Variants in ADAM8 observed in about 807,000 individuals in gnomAD.
The protein encoded by ADAM8 is ADAM metallopeptidase domain 8.
ADAM8 carries 104 observed loss-of-function variants against 102.4 expected under a neutral mutation model. That is an observed-to-expected ratio of 1.02 (90% confidence interval 0.87 to 1.20). ADAM8 has a LOEUF of 1.20. Ranked by LOEUF, ADAM8 falls within the 50% of genes most tolerant of loss-of-function variation. The pLI, the probability that ADAM8 is intolerant of heterozygous loss-of-function variation, is 0.00. For missense variants in ADAM8, 1,132 were observed against 1,159.0 expected, an observed-to-expected ratio of 0.98 and a Z score of 0.34; for synonymous variants, 517 against 485.2, an observed-to-expected ratio of 1.07 and a Z score of -0.86.
intron 9 of ADAM8, 54 bp downstream of exon 9, chr10:133,272,362 C>CCCCGGG: frequency 8.4e-7 from 1 of 1,184,564 alleles, no homozygotes; most frequent in Non-Finnish European, 1.2e-6. Flanking sequence ...TCCACCCCAC[C>CCCCGGG]CTGCCCGCCC....
At chr10:133,274,780 C>T (rs1323480695) in intron 2 of ADAM8, 1 of 383,936 alleles carries the variant, frequency 2.6e-6, no homozygotes, top group Admixed American at 2.9e-5. Context: ...CCCATCCCTT[C>T]CAGCAGCTGC....
Position 133,270,382 on chromosome 10 carries a change from C to T in ADAM8, c.1763G>A (p.Gly588Asp), listed in dbSNP as rs1447704104. The T allele has an allele frequency of 6.3e-7, 1 of 1,589,176 alleles. No individual in the cohort carries two copies. The highest frequency in any genetic ancestry group is 8.6e-7 in the Non-Finnish European group (1 of 1,160,984). ...DGTAYEPVPE[G>D]TRCGPEKVCW... ...CACCTTCTCTGGTCCACACCGGGTG[C>T]CCTCGGGCACTGGTTCATACGCAGT... Residue 588 changes from glycine (G) to aspartate (D), a missense_variant, in exon 16 of 23, where the codon GGC (glycine) becomes GAC (aspartate). Transcript: ENST00000445355.
At chr10:133,266,186 G>C (rs930917872) in intron 21 of ADAM8, among the ~76,000 whole-genome samples, 1 of 152,064 alleles carries the variant, frequency 6.6e-6, no homozygotes, top group East Asian at 1.9e-4. Context: ...CAAAGGGCAA[G>C]CTGAGGAAAG....
rs1846473489 is a variant in ADAM8, at chr10:133,270,223, T to G, written c.1785+137A>C. ...CTCCCCACCCCCGGAAACCTTTCAG[T>G]CTCTACTAGAAGCGCGGAGAGAACT... is the stretch of plus-strand genomic sequence containing the variant. On this transcript the variant is annotated intron_variant, in intron 16 of 22. Transcript: ENST00000445355. 3.2e-6 allele frequency: 4 copies of G among 1,247,242 alleles called. No homozygotes were observed. The South Asian group carries it at 6.0e-5, about 19-fold the overall frequency. The allele number at this position is 1,247,242 out of a possible 1,614,324, so 77.3% of individuals were successfully genotyped here. A position where few individuals can be genotyped will look rare whatever the true frequency, so the allele number is the denominator to read the frequency against.
At position 133,273,413 on chromosome 10, in the gene ADAM8, G is replaced by A. The variant is rs550609453; in HGVS notation, c.414C>T (p.His138=). 5.2e-5 allele frequency: 80 copies of A among 1,547,438 alleles called. 2 individuals carry two copies. In the East Asian group the frequency reaches 1.8e-3, roughly 35 times the overall value. Residue 138 remains histidine (H), a synonymous_variant, in exon 6 of 23, where the codon CAC becomes CAT. Transcript: ENST00000445355. Reference sequence around the variant, plus strand: ...CACCTTCATCCAGGGGCTCGATCAGGTGCAGGTCTGACCCCACCTGGAAGA... The same window carrying A: ...CACCTTCATCCAGGGGCTCGATCAGATGCAGGTCTGACCCCACCTGGAAGA... The part of the protein sequence containing the change: ...RGFFQVGSDL[H]LIEPLDEGGE...
In ADAM8 at chr10:133,270,793, G is replaced by A. The variant is rs1487183185; in HGVS notation, c.1577C>T (p.Ala526Val). ...GTCATAGGAGAAGCAGGACTCCTCG[G>A]CAGCCTGCCCACCTGTGGGACCAGA... ...QAFWGPGGQA[A>V]EESCFSYDIL... Residue 526 changes from alanine (A) to valine (V), a missense_variant, in exon 15 of 23, where the codon GCC becomes GTC. By Grantham distance (64) the Ala-to-Val change is moderately conservative. Coordinates refer to ENST00000445355, the MANE Select transcript of ADAM8 (RefSeq NM_001109.5). 3 of 1,606,388 alleles carry A rather than the reference G, an allele frequency of 1.9e-6. No homozygotes were observed. Among genetic ancestry groups the A allele is most frequent in the African/African-American group, 1.3e-5 (1 of 74,630 alleles).
chr10:133,266,860 C>T (rs1345946782), intron 21 of ADAM8, among the ~76,000 whole-genome samples: 1 of 152,132 alleles, frequency 6.6e-6, no homozygotes, highest in Non-Finnish European at 1.5e-5. Context: ...GGCGCAGGGA[C>T]AGGACCCCAA....
intron 5 of ADAM8, 92 bp from the exon 6 acceptor site, chr10:133,273,535 T>TC: frequency 2.1e-6 from 3 of 1,402,492 alleles, no homozygotes; most frequent in Non-Finnish European, 2.9e-6. Context: ...TGCCTACAGC[T>TC]CCCCCTACCC....
intron 21 of ADAM8, among the ~76,000 whole-genome samples, chr10:133,266,688 C>T (rs1191792065): frequency 4.6e-5 from 7 of 152,210 alleles, no homozygotes; most frequent in South Asian, 2.1e-4. Context: ...AGAGAGAAAG[C>T]CTGGCCCTTT....
Position 133,272,881 on chromosome 10 carries a change from C to A in ADAM8, c.637-15G>T, listed in dbSNP as rs1443123149. On this transcript the variant is annotated splice_polypyrimidine_tract_variant and intron_variant, in intron 7 of 22. Coordinates refer to ENST00000445355, the MANE Select transcript of ADAM8 (RefSeq NM_001109.5). ...AGCATCTGGAACTGGGGACACGAGA[C>A]CCTCAGGCTGGAGCCCACACACCCC... The A allele has an allele frequency of 1.2e-6, 2 of 1,610,948 alleles. No homozygotes were observed. Among genetic ancestry groups the A allele is most frequent in the Admixed American group, 1.7e-5 (1 of 59,912 alleles).
At chr10:133,263,625 C>CCGTGGGGAGGCCGTGCCACTGTCAGCCT in intron 22 of ADAM8, 63 bp downstream of exon 22, 1 of 1,474,830 alleles carries the variant, frequency 6.8e-7, no homozygotes, top group Non-Finnish European at 9.1e-7. Context: ...ACCGTCAGCC[C>CCGTGGGGAGGCCGTGCCACTGTCAGCCT]CGTGGGGAGG....
chr10:133,264,050 T>A (rs1293634185), intron 21 of ADAM8, among the ~76,000 whole-genome samples: 2 of 144,650 alleles, frequency 1.4e-5, no homozygotes, highest in Non-Finnish European at 3.0e-5. Flanking sequence ...AAGAGCTTTT[T>A]TCCTTTCCTT....
chr10:133,275,940 C>T (rs755379851), intron 1 of ADAM8: 5 of 236,852 alleles, frequency 2.1e-5, no homozygotes, highest in East Asian at 8.4e-5. Context: ...CTCGGGCCGC[C>T]GACCTGCCCG....
At position 133,267,956 on chromosome 10, in the gene ADAM8, C is replaced by T. The variant is rs374536208; in HGVS notation, c.2226G>A (p.Ser742=). ...CAGGGGGCGGCCTCTTCAGAGCCAC[C>T]GAGGAGGCCGGGTGTCGGGCGGGCT... is the stretch of plus-strand genomic sequence containing the variant. ...PGQPARHPAS[S]VALKRPPPAP... The change falls in exon 20 of 23, where the codon TCG becomes TCA. Residue 742 remains serine (S), a synonymous_variant. Coordinates refer to ENST00000445355, the MANE Select transcript of ADAM8 (RefSeq NM_001109.5). 2.2e-5 allele frequency: 28 copies of T among 1,260,784 alleles called. No individual in the cohort carries two copies. Among genetic ancestry groups the T allele is most frequent in the African/African-American group, 1.2e-4 (8 of 65,088 alleles). The allele number at this position is 1,260,784 out of a possible 1,614,324, so 78.1% of individuals were successfully genotyped here.
At chr10:133,276,426 G>A (rs1037500954) in intron 1 of ADAM8, among the ~76,000 whole-genome samples, 4 of 152,222 alleles carry the variant, frequency 2.6e-5, no homozygotes, top group Non-Finnish European at 4.4e-5. Context: ...CTAAATAGTG[G>A]GGGTGGGTAG....
chr10:133,266,759 C>T (rs1367322035), intron 21 of ADAM8, among the ~76,000 whole-genome samples: 3 of 152,212 alleles, frequency 2.0e-5, no homozygotes, highest in African/African-American at 7.2e-5. Flanking sequence ...TCTCCACCCA[C>T]TGCCAGAGCG....
In ADAM8 at chr10:133,274,232, G is replaced by T. The variant is rs749635504; in HGVS notation, c.154C>A (p.Leu52Met). 40 of 1,555,620 alleles carry T rather than the reference G, an allele frequency of 2.6e-5. No individual in the cohort carries two copies. Among genetic ancestry groups the T allele is most frequent in the Middle Eastern group, 1.8e-4 (1 of 5,676 alleles). The change falls in exon 3 of 23, where the codon CTG becomes ATG. Residue 52 changes from leucine to methionine, a missense_variant. Coordinates refer to ENST00000445355, the MANE Select transcript of ADAM8 (RefSeq NM_001109.5). Reference protein sequence around the residue: ...VRRALPSHLGLHPERVSYVLG... With the variant: ...VRRALPSHLGMHPERVSYVLG... ...ACGTAGCTCACCCTCTCTGGGTGCAGGCCCTGAGCGAGGAGGGAAGGGTCC... is the reference window on the plus strand; with the variant it reads ...ACGTAGCTCACCCTCTCTGGGTGCATGCCCTGAGCGAGGAGGGAAGGGTCC...
chr10:133,268,856 C>T lies in ADAM8; in HGVS notation c.1955G>A (p.Gly652Glu), dbSNP rs1173708662. 1 of 1,606,174 alleles carries T rather than the reference C, an allele frequency of 6.2e-7. No homozygotes were observed. The highest frequency in any genetic ancestry group is 1.1e-5 in the South Asian group (1 of 91,000). ...KLLTEVHAASGSLPVFVVVVL... is the reference protein window; with the variant it reads ...KLLTEVHAASESLPVFVVVVL... The stretch of plus-strand genomic sequence containing the variant: ...CACCACCACGAAGACGGGGAGGCTC[C>T]CGGACGCTGTGGGACACACGGCCCC... Residue 652 changes from glycine to glutamate, a missense_variant, in exon 19 of 23, where the codon GGG becomes GAG. Transcript: ENST00000445355.
At chr10:133,273,470 T>C in intron 5 of ADAM8, 27 bp from the exon 6 acceptor site, 1 of 1,518,792 alleles carries the variant, frequency 6.6e-7, no homozygotes. Context: ...CCGGGTGTGC[T>C]GTGGGCTTCA....
Sources: allele counts gnomAD v4.1 joint callset (sites outside exome capture counted in the v4.1 genomes callset), GRCh38; gene constraint gnomAD v4.1.1; transcripts MANE v1.5; gene names NCBI Gene and HGNC (gene_info 2026-07-23, HGNC 2026-07-21).